The following SERGEF variants were observed in gnomAD, a reference collection of about 807,000 sequenced individuals.
SERGEF encodes secretion-regulating guanine nucleotide exchange factor.
In SERGEF, 51 loss-of-function variants were observed where a neutral mutation model predicts 50.0. That is an observed-to-expected ratio of 1.02 (90% confidence interval 0.81 to 1.29). SERGEF has a LOEUF of 1.29. SERGEF is among the 50% of genes most tolerant of loss of function. The pLI is 0.00. For missense variants in SERGEF, 521 were observed against 557.0 expected, an observed-to-expected ratio of 0.94 and a Z score of 0.65; for synonymous variants, 205 against 212.4, an observed-to-expected ratio of 0.97 and a Z score of 0.30.
rs1009210582 is a variant in SERGEF at position 17,888,669 on chromosome 11, ACACACACACG to A, written c.1012-10435_1012-10426del. 2.4e-5 allele frequency among the ~76,000 whole-genome samples: 3 copies of A among 125,494 alleles called. No individual in the cohort carries two copies. Among genetic ancestry groups the A allele is most frequent in the African/African-American group, 9.5e-5 (3 of 31,722 alleles). The allele number at this position is 125,494 out of a possible 152,430, so 82.3% of individuals were successfully genotyped here. A position where few individuals can be genotyped will look rare whatever the true frequency, so the allele number is the denominator to read the frequency against. On this transcript the variant is annotated intron_variant, in intron 9 of 10. Transcript: ENST00000265965. This position sits in a 1 kb window ranked among gnomAD's most constrained non-coding sequence, Gnocchi z 4.1. ...CACACACACACACACACACACACAC[ACACACACACG>A]CATTGAGTTAAACCAACATGAAATT...
At chr11:17,908,535 T>C (rs1590191141) in intron 9 of SERGEF, among the ~76,000 whole-genome samples, 3 of 152,290 alleles carry the variant, frequency 2.0e-5, no homozygotes, top group South Asian at 4.1e-4. Flanking sequence ...AAACATCTTA[T>C]GTTTATGCCA....
intron 9 of SERGEF, among the ~76,000 whole-genome samples, chr11:17,901,169 TC>T (rs1264866315): frequency 6.6e-6 from 1 of 152,158 alleles, no homozygotes; most frequent in Non-Finnish European, 1.5e-5. Flanking sequence ...ATCCTGTAAT[TC>T]TGCCTTCCTG....
At chr11:17,801,019 G>C (rs922694368) in intron 10 of SERGEF, among the ~76,000 whole-genome samples, 22 of 151,924 alleles carry the variant, frequency 1.4e-4, no homozygotes, top group African/African-American at 4.8e-4. Context: ...CACGGTGAAA[G>C]CCTGTCTCTA....
At chr11:17,866,289 A>AC (rs1851021757) in intron 10 of SERGEF, among the ~76,000 whole-genome samples, 1 of 152,234 alleles carries the variant, frequency 6.6e-6, no homozygotes, top group Non-Finnish European at 1.5e-5. Flanking sequence ...AAGGCAGCCA[A>AC]AGAACTCCAT....
chr11:17,971,257 G>C (rs971051401), intron 8 of SERGEF, among the ~76,000 whole-genome samples: 1 of 152,166 alleles, frequency 6.6e-6, no homozygotes, highest in African/African-American at 2.4e-5. Context: ...GAAGCAGCAA[G>C]TGCTGATGCA....
intron 10 of SERGEF, among the ~76,000 whole-genome samples, chr11:17,829,552 A>G (rs1384473193): frequency 6.6e-6 from 1 of 152,216 alleles, no homozygotes; most frequent in Non-Finnish European, 1.5e-5. Flanking sequence ...TTTATGGGTA[A>G]GCAAAATAGT....
chr11:17,887,462 T>TTAATAGATTCAGGCCAGGTAAA (rs1249300542), intron 9 of SERGEF, among the ~76,000 whole-genome samples: 5 of 152,168 alleles, frequency 3.3e-5, no homozygotes, highest in Admixed American at 1.3e-4. Flanking sequence ...AGACAGGCAA[T>TTAATAGATTCAGGCCAGGTAAA]TAATAGATTC....
intron 9 of SERGEF, among the ~76,000 whole-genome samples, chr11:17,910,189 A>ACTCTCT (rs1213330445): frequency 1.5e-4 from 14 of 90,812 alleles, no homozygotes; most frequent in African/African-American, 4.8e-4. Flanking sequence ...ACACACACAC[A>ACTCTCT]CACACTCTCT....
At chr11:18,000,758 TCAC>T (rs139990913) in intron 4 of SERGEF, 156,738 of 692,652 alleles carry the variant, frequency 0.23, 20,258 homozygotes, top group Non-Finnish European at 0.27. Context: ...AAATACCATA[TCAC>T]AATACCATAT....
intron 8 of SERGEF, among the ~76,000 whole-genome samples, chr11:17,981,261 G>A (rs211116): frequency 0.96 from 145,724 of 152,346 alleles, 70,025 homozygotes; most frequent in South Asian, 1. Flanking sequence ...AGTACTATAT[G>A]CATATAGATA....
At position 17,986,814 on chromosome 11, in the gene SERGEF, A is replaced by G. The variant is rs544734169; in HGVS notation, c.844+1783T>C. ...TCACTCAAGACTACTGCTAATTTCT[A>G]TGCGACTTTTGCCCTTTGTACTTAG... On this transcript the variant is annotated intron_variant, in intron 8 of 10. Transcript: ENST00000265965. Among the ~76,000 whole-genome samples, 8 of 152,314 alleles carry G rather than the reference A, an allele frequency of 5.3e-5. No individual in the cohort carries two copies. In the East Asian group the frequency reaches 1.2e-3, roughly 22 times the overall value.
chr11:17,993,751 T>C (rs966330645), intron 6 of SERGEF, among the ~76,000 whole-genome samples: 3 of 152,192 alleles, frequency 2.0e-5, no homozygotes, highest in Admixed American at 6.5e-5. Context: ...AGCAGATGTT[T>C]TCACCCATGT....
chr11:17,895,335 C>T (rs1006908907), intron 9 of SERGEF, among the ~76,000 whole-genome samples: 3 of 152,190 alleles, frequency 2.0e-5, no homozygotes. Context: ...CTTATCATAG[C>T]AAGTGTATAC....
At chr11:17,820,632 T>C (rs770377491) in intron 10 of SERGEF, among the ~76,000 whole-genome samples, 2 of 152,228 alleles carry the variant, frequency 1.3e-5, no homozygotes, top group Admixed American at 1.3e-4. Context: ...TTGGACTGTA[T>C]AGTGGGTTGA....
chr11:17,872,280 GC>G (rs1851153938), intron 10 of SERGEF, among the ~76,000 whole-genome samples: 3 of 910 alleles, frequency 3.3e-3, no homozygotes, highest in Admixed American at 0.02. Context: ...TCTATATCTT[GC>G]TCTGGATGGT....
chr11:17,889,573 G>A (rs547667146), intron 9 of SERGEF, among the ~76,000 whole-genome samples: 2 of 152,168 alleles, frequency 1.3e-5, no homozygotes, highest in Non-Finnish European at 2.9e-5. Context: ...AAGGGGACAT[G>A]ACAACTAAAT....
intron 9 of SERGEF, among the ~76,000 whole-genome samples, chr11:17,944,772 C>A (rs894714131): frequency 6.6e-6 from 1 of 152,180 alleles, no homozygotes; most frequent in African/African-American, 2.4e-5. Context: ...CTCACATTTA[C>A]AAAACAGGAA....
chr11:18,009,850 T>A (rs1261784083), intron 1 of SERGEF, among the ~76,000 whole-genome samples: 6 of 152,236 alleles, frequency 3.9e-5, no homozygotes, highest in Non-Finnish European at 8.8e-5. Context: ...TATATACTGA[T>A]GCAAGGTCCA....
chr11:17,996,979 G>C (rs561433104), intron 5 of SERGEF, among the ~76,000 whole-genome samples: 2 of 152,320 alleles, frequency 1.3e-5, no homozygotes, highest in African/African-American at 4.8e-5. Context: ...GCTGACATGG[G>C]AGGATTGCTT....
Sources: gnomAD v4.1 joint callset for allele counts (sites outside exome capture counted in the v4.1 genomes callset) on GRCh38, gnomAD v4.1.1 for gene constraint, Gnocchi (gnomAD v3.1) non-coding constraint, MANE v1.5 for transcripts, NCBI Gene and HGNC (gene_info 2026-07-23, HGNC 2026-07-21) for gene names.